The following CA10 variants were observed in gnomAD, a reference collection of about 807,000 sequenced individuals.
CA10 encodes the protein carbonic anhydrase 10 (inactive).
In CA10, 14 loss-of-function variants were observed where a neutral mutation model predicts 44.2. The observed-to-expected ratio is 0.32, with a 90% CI of 0.21 to 0.50. CA10 has a LOEUF of 0.50. Ranked by LOEUF, CA10 falls within the 20% of genes least tolerant of loss-of-function variation. The probability of loss-of-function intolerance (pLI) is 0.99; values close to 1 mark genes in which losing one functional copy is unlikely to be tolerated. For synonymous variants in CA10, 159 were observed against 141.6 expected (o/e 1.12, Z -0.87); for missense variants, 350 against 409.7 (o/e 0.85, Z 1.26).
chr17:51,938,272 G>A (rs969180364), intron 2 of CA10, among the ~76,000 whole-genome samples: 1 of 152,102 alleles, frequency 6.6e-6, no homozygotes, highest in East Asian at 1.9e-4. Flanking sequence ...TGGAGAAGGG[G>A]TTGAGTGAGG....
Position 51,670,566 on chromosome 17 carries a change from C to T in CA10, c.466-16830G>A, listed in dbSNP as rs181907821. On this transcript the variant is annotated intron_variant, in intron 4 of 8. Transcript: ENST00000451037. The stretch of plus-strand genomic sequence containing the variant: ...GGGAATTAATCTTCTCTTGTTGGGC[C>T]CTGGCTGAGGGGTTCAGTGATCCCT... Among the ~76,000 whole-genome samples the T allele has an allele frequency of 1.4e-3, 207 of 152,114 alleles. 1 individual carries two copies. The highest frequency in any genetic ancestry group is 4.8e-3 in the African/African-American group (200 of 41,482).
chr17:51,731,929 C>T (rs932289900), intron 4 of CA10, among the ~76,000 whole-genome samples: 4 of 152,138 alleles, frequency 2.6e-5, no homozygotes, highest in Non-Finnish European at 5.9e-5. Flanking sequence ...CCTGCCTCAG[C>T]CTCCCAAAGT....
At chr17:52,154,854 A>C (rs768830047) in intron 1 of CA10, among the ~76,000 whole-genome samples, 43 of 152,296 alleles carry the variant, frequency 2.8e-4, no homozygotes, top group Non-Finnish European at 5.3e-4. Context: ...CAGTTTCATC[A>C]AAACCAAATT....
At chr17:51,818,351 C>A (rs1369325589) in intron 3 of CA10, among the ~76,000 whole-genome samples, 1 of 152,206 alleles carries the variant, frequency 6.6e-6, no homozygotes, top group Admixed American at 6.5e-5. Context: ...CCAAAATTAG[C>A]ATCTGACTCT....
At chr17:51,756,473 T>G (rs1448345824) in intron 3 of CA10, among the ~76,000 whole-genome samples, 3 of 13,810 alleles carry the variant, frequency 2.2e-4, no homozygotes, top group Admixed American at 1.3e-3. Flanking sequence ...GAGGTAGTTG[T>G]TTTTTTTTTT....
chr17:51,863,233 C>T (rs897821027), intron 3 of CA10, among the ~76,000 whole-genome samples: 4 of 152,154 alleles, frequency 2.6e-5, no homozygotes, highest in Admixed American at 1.3e-4. Flanking sequence ...TCATCGATTC[C>T]GATAGGACAA....
chr17:51,995,469 G>A (rs1246902446), intron 2 of CA10, among the ~76,000 whole-genome samples: 1 of 151,896 alleles, frequency 6.6e-6, no homozygotes. Flanking sequence ...TTGAAATTTG[G>A]TCATTAGGAG....
chr17:52,073,274 G>A (rs1251201917), intron 1 of CA10, among the ~76,000 whole-genome samples: 1 of 151,852 alleles, frequency 6.6e-6, no homozygotes, highest in Non-Finnish European at 1.5e-5. Flanking sequence ...AAAGTTCTAG[G>A]GAAAAGACTC....
At chr17:52,101,662 G>A (rs1202163115) in intron 1 of CA10, among the ~76,000 whole-genome samples, 1 of 152,140 alleles carries the variant, frequency 6.6e-6, no homozygotes, top group Non-Finnish European at 1.5e-5. Context: ...AAGTCTCTAG[G>A]TAGAGATTTA....
At chr17:51,666,715 T>C (rs928780197) in intron 4 of CA10, among the ~76,000 whole-genome samples, 4 of 143,672 alleles carry the variant, frequency 2.8e-5, no homozygotes, top group Admixed American at 7.1e-5. Context: ...TATCTGAGTA[T>C]TAATATTTTA....
At chr17:52,093,002 T>C (rs1371666659) in intron 1 of CA10, among the ~76,000 whole-genome samples, 6 of 152,192 alleles carry the variant, frequency 3.9e-5, no homozygotes, top group African/African-American at 7.2e-5. Flanking sequence ...TAATATCATT[T>C]CCTTCAATGT....
At chr17:52,153,703 T>C (rs149279364) in intron 1 of CA10, among the ~76,000 whole-genome samples, 312 of 152,326 alleles carry the variant, frequency 2.0e-3, no homozygotes, top group Middle Eastern at 6.8e-3. Context: ...GTTTTCTTTT[T>C]GCTTTTAAAC....
chr17:51,642,636 C>CT (rs1018254658), intron 6 of CA10, among the ~76,000 whole-genome samples: 39 of 151,534 alleles, frequency 2.6e-4, no homozygotes, highest in Non-Finnish European at 4.1e-4. Flanking sequence ...ATAGCCATAT[C>CT]TTTTTTTTTC....
chr17:51,932,170 G>A (rs1269386112), intron 2 of CA10, among the ~76,000 whole-genome samples: 6 of 152,018 alleles, frequency 3.9e-5, no homozygotes, highest in Admixed American at 3.3e-4. Context: ...GTGTGAGGTC[G>A]AGTATGTTAT....
chr17:51,649,770 C>T (rs146672003), intron 5 of CA10, among the ~76,000 whole-genome samples: 35 of 151,318 alleles, frequency 2.3e-4, no homozygotes, highest in Admixed American at 9.2e-4. Flanking sequence ...GGGGCCAGAT[C>T]ATGTCAGGCT....
intron 3 of CA10, among the ~76,000 whole-genome samples, chr17:51,771,102 G>A (rs564515444): frequency 1.3e-4 from 15 of 116,950 alleles, no homozygotes; most frequent in Non-Finnish European, 2.4e-4. Context: ...CCAGTCTGGC[G>A]ACAGAGTAAG....
At chr17:52,048,294 G>T (rs943633239) in intron 2 of CA10, among the ~76,000 whole-genome samples, 1 of 151,956 alleles carries the variant, frequency 6.6e-6, no homozygotes, top group Non-Finnish European at 1.5e-5. Context: ...CAAGACAAAG[G>T]GGGCAGTGCT....
chr17:51,651,893 C>CCTAT (rs1471602964), intron 5 of CA10, among the ~76,000 whole-genome samples: 1 of 152,132 alleles, frequency 6.6e-6, no homozygotes, highest in Non-Finnish European at 1.5e-5. Flanking sequence ...AATATTGTGA[C>CCTAT]CTATCTACGG....
intron 2 of CA10, among the ~76,000 whole-genome samples, chr17:51,963,866 T>C (rs1009821751): frequency 6.6e-6 from 1 of 151,992 alleles, no homozygotes; most frequent in Non-Finnish European, 1.5e-5. Flanking sequence ...ATAGAAACTA[T>C]AAAGCAACCA....
Sources: allele counts gnomAD v4.1 joint callset (sites outside exome capture counted in the v4.1 genomes callset), GRCh38; gene constraint gnomAD v4.1.1; transcripts MANE v1.5; gene names NCBI Gene and HGNC (gene_info 2026-07-23, HGNC 2026-07-21).